EOGT: variants seen among roughly 807,000 people sequenced by gnomAD.
The protein encoded by EOGT is EGF domain specific O-linked N-acetylglucosamine transferase.
Under a neutral mutation model 70.5 loss-of-function variants are expected in EOGT, and 55 were observed. The observed-to-expected ratio is 0.78, with a 90% confidence interval of 0.63 to 0.98. The LOEUF (loss-of-function observed/expected upper bound fraction) is 0.98, where lower values mean the gene tolerates loss of function less well. EOGT is among the 50% of genes least tolerant of loss of function. The probability of loss-of-function intolerance (pLI) is 0.00; values close to 1 mark genes in which losing one functional copy is unlikely to be tolerated. For synonymous variants in EOGT, 246 were observed against 217.1 expected (o/e 1.13, Z -1.17); for missense variants, 703 against 641.9 (o/e 1.10, Z -1.03).
At chr3:69,001,785 G>C (rs182471934) in intron 8 of EOGT, 71 bp from the exon 9 acceptor site, 110 of 1,062,750 alleles carry the variant, frequency 1.0e-4, no homozygotes, top group Non-Finnish European at 4.3e-6. Flanking sequence ...CTGTAACTTA[G>C]GATCTGTTCA....
Position 68,982,830 on chromosome 3 carries a change from T to C in EOGT, c.1195A>G (p.Ile399Val). 1 of 1,607,188 alleles carries C rather than the reference T, an allele frequency of 6.2e-7. No homozygotes were observed. The highest frequency in any genetic ancestry group is 1.3e-5 in the African/African-American group (1 of 74,746). ...LKTVSTFEVQ[I>V]VDYKYRELGF... The stretch of plus-strand genomic sequence containing the variant: ...ACTTACCTATACTTGTAATCAACAA[T>C]CTGGACTTCAAATGTAGATACTGTT... The change falls in exon 15 of 18, where the codon ATT (isoleucine) becomes GTT (valine). Residue 399 changes from isoleucine to valine, a missense_variant. Ile to Val is a conservative substitution (Grantham distance 29). Transcript: ENST00000383701.
At chr3:69,013,259 C>T (rs1378847039) in intron 1 of EOGT, among the ~76,000 whole-genome samples, 1 of 151,662 alleles carries the variant, frequency 6.6e-6, no homozygotes, top group Admixed American at 6.6e-5. Flanking sequence ...CCCAGCGCGC[C>T]TGGGAGGGGC....
chr3:68,988,738 GATT>G, intron 11 of EOGT, 161 bp from the exon 12 acceptor site: 1 of 649,922 alleles, frequency 1.5e-6, no homozygotes, highest in Non-Finnish European at 2.5e-6. Flanking sequence ...TTTTTGGAAA[GATT>G]ATAGAAAAAA....
At position 68,975,700 on chromosome 3, in the gene EOGT, ATTC is replaced by A. The variant is rs754097448; in HGVS notation, c.*1915_*1917del. 2.0e-5 allele frequency: 3 copies of A among 152,218 alleles called. No individual in the cohort carries two copies. Among genetic ancestry groups the A allele is most frequent in the African/African-American group, 4.8e-5 (2 of 41,444 alleles). The allele number at this position is 152,218 out of a possible 1,614,324, so 9.4% of individuals were successfully genotyped here. A position where few individuals can be genotyped will look rare whatever the true frequency, so the allele number is the denominator to read the frequency against. On this transcript the variant is annotated 3_prime_UTR_variant, in exon 18 of 18. Coordinates refer to ENST00000383701, the MANE Select transcript of EOGT (RefSeq NM_001278689.2). ...ACTTAAAAATCCATAACATGTTGTA[ATTC>A]TTCTTATGTGATTTTAAGGTCTGAA...
At chr3:68,981,611 C>T (rs1379039039) in intron 15 of EOGT, among the ~76,000 whole-genome samples, 2 of 152,166 alleles carry the variant, frequency 1.3e-5, no homozygotes, top group African/African-American at 4.8e-5. Flanking sequence ...ATTCTAGCAA[C>T]AGGAATTACC....
rs752192401 is a variant in EOGT at position 68,982,883 on chromosome 3, AAG to A, written c.1153-13_1153-12del. On this transcript the variant is annotated splice_polypyrimidine_tract_variant and intron_variant, in intron 14 of 17. Transcript: ENST00000383701. ...CAGTGCATTTACAAGCTGGGAAAAA[AAG>A]AGAAACATTTAGCATTTCTTTTCCT... 1.3e-5 allele frequency: 20 copies of A among 1,596,346 alleles called. No individual in the cohort carries two copies. The highest frequency in any genetic ancestry group is 1.7e-5 in the Non-Finnish European group (20 of 1,171,246).
rs535498221 is a variant in EOGT at position 68,981,436 on chromosome 3, G to A, written c.1214+1375C>T. On this transcript the variant is annotated intron_variant, in intron 15 of 17. Transcript: ENST00000383701. ...ATTAGATACCCACATGCTGGGATATGTATACTTCTTTTAACTGGAAAGTGT... is the reference window on the plus strand; with the variant it reads ...ATTAGATACCCACATGCTGGGATATATATACTTCTTTTAACTGGAAAGTGT... 8.7e-4 allele frequency among the ~76,000 whole-genome samples: 132 copies of A among 152,202 alleles called. 1 individual carries two copies. The highest frequency in any genetic ancestry group is 9.6e-4 in the Non-Finnish European group (65 of 68,034).
In EOGT at chr3:68,977,755, G is replaced by A; in HGVS notation, c.1447C>T (p.Pro483Ser). ...KVFPQDKGHH[P>S]TLGEHPKFTN... ...AACTTCGGGTGCTCCCCCAGGGTTGGATGGTGGCCCTGTGAAAATAAACCA... is the reference window on the plus strand; with the variant it reads ...AACTTCGGGTGCTCCCCCAGGGTTGAATGGTGGCCCTGTGAAAATAAACCA... Residue 483 changes from proline (P) to serine (S), a missense_variant, in exon 18 of 18, where the codon CCA (proline) becomes TCA (serine). Transcript: ENST00000383701. The A allele has an allele frequency of 6.2e-7, 1 of 1,611,626 alleles. No homozygotes were observed. Among genetic ancestry groups the A allele is most frequent in the Non-Finnish European group, 8.5e-7 (1 of 1,179,034 alleles).
chr3:68,995,045 T>C (rs1049030969), intron 10 of EOGT, among the ~76,000 whole-genome samples: 11 of 151,858 alleles, frequency 7.2e-5, no homozygotes, highest in African/African-American at 2.2e-4. Flanking sequence ...AAAGGCCCCA[T>C]AGGCTTCCTT....
intron 10 of EOGT, among the ~76,000 whole-genome samples, chr3:68,992,186 T>A (rs956731005): frequency 6.6e-6 from 1 of 152,164 alleles, no homozygotes; most frequent in African/African-American, 2.4e-5. Context: ...CTTAACTCAT[T>A]TCAGCACTAA....
rs938916168 is a variant in EOGT, at chr3:69,013,565, G to A, written c.-356+9C>T. The stretch of plus-strand genomic sequence containing the variant: ...GGGGAAGGCTCCGCAGATTGCGGGG[G>A]AGTCCCACCTGGAGCCGGGGCAGCC... On this transcript the variant is annotated intron_variant, in intron 1 of 17. Transcript: ENST00000383701. The A allele has an allele frequency of 6.5e-6, 1 of 154,338 alleles. No homozygotes were observed. The highest frequency in any genetic ancestry group is 1.4e-5 in the Non-Finnish European group (1 of 69,896). 9.6% of individuals were successfully genotyped at this position (154,338 alleles called of 1,614,324 possible). A position where few individuals can be genotyped will look rare whatever the true frequency, so the allele number is the denominator to read the frequency against.
At position 69,013,595 on chromosome 3, in the gene EOGT, AC is replaced by A. The variant is rs1347228406; in HGVS notation, c.-378del. ...CCACCTGGAGCCGGGGCAGCCGTGA[AC>A]TACCGAGGAGGAGGCGGAGGAGACG... On this transcript the variant is annotated 5_prime_UTR_variant, in exon 1 of 18. An upstream open reading frame in the 5' UTR loses its in-frame stop. Coordinates refer to ENST00000383701, the MANE Select transcript of EOGT (RefSeq NM_001278689.2). 2.0e-5 allele frequency: 3 copies of A among 153,702 alleles called. No individual in the cohort carries two copies. The allele number at this position is 153,702 out of a possible 1,614,324, so 9.5% of individuals were successfully genotyped here.
At chr3:68,998,191 A>C in intron 9 of EOGT, 77 bp from the exon 10 acceptor site, 1 of 779,494 alleles carries the variant, frequency 1.3e-6, no homozygotes, top group Non-Finnish European at 2.1e-6. Context: ...TATCCCATCT[A>C]TTTACAGTTT....
At chr3:68,995,034 G>A (rs2091106357) in intron 10 of EOGT, among the ~76,000 whole-genome samples, 1 of 151,986 alleles carries the variant, frequency 6.6e-6, no homozygotes, top group African/African-American at 2.4e-5. Context: ...GGAGGAGAGG[G>A]AAAGGCCCCA....
rs1384799629 is a variant in EOGT, at chr3:68,982,819, G to A, written c.1206C>T (p.Tyr402=). Residue 402 remains tyrosine (Y), a synonymous_variant, in exon 15 of 18, where the codon TAC becomes TAT. Transcript: ENST00000383701. ...VSTFEVQIVD[Y]KYRELGFLDQ... Reference sequence around the variant, plus strand: ...GATTGGCTATTACTTACCTATACTTGTAATCAACAATCTGGACTTCAAATG... The same window carrying A: ...GATTGGCTATTACTTACCTATACTTATAATCAACAATCTGGACTTCAAATG... 1.2e-6 allele frequency: 2 copies of A among 1,606,252 alleles called. No homozygotes were observed. The highest frequency in any genetic ancestry group is 3.4e-5 in the Admixed American group (2 of 58,948).
In EOGT at chr3:69,009,787, A is replaced by G; in HGVS notation, c.60T>C (p.Asn20=). ...LLHEVSLSGQ[N]EAPPNTHSIP... ...TGCTGTGAGTATTAGGAGGAGCTTC[A>G]TTCTGACCACTCAGTGAGACTTCAT... Residue 20 remains asparagine (N), a synonymous_variant, in exon 4 of 18, where the codon AAT becomes AAC. Transcript: ENST00000383701. 2.5e-6 allele frequency: 4 copies of G among 1,614,138 alleles called. No homozygotes were observed. The highest frequency in any genetic ancestry group is 3.4e-6 in the Non-Finnish European group (4 of 1,180,020).
intron 4 of EOGT, among the ~76,000 whole-genome samples, chr3:69,008,954 C>T (rs1358325930): frequency 6.6e-6 from 1 of 152,240 alleles, no homozygotes; most frequent in Non-Finnish European, 1.5e-5. Flanking sequence ...TCAAGATCAG[C>T]AGAGACCCCA....
At chr3:69,011,240 T>C (rs1397408726) in intron 3 of EOGT, among the ~76,000 whole-genome samples, 1 of 133,036 alleles carries the variant, frequency 7.5e-6, no homozygotes, top group Non-Finnish European at 1.5e-5. Flanking sequence ...AGAGTCTTAA[T>C]ACACACTGGA....
chr3:68,989,748 C>CAAAAAA (rs56000169), intron 10 of EOGT, among the ~76,000 whole-genome samples: 3 of 93,212 alleles, frequency 3.2e-5, no homozygotes, highest in African/African-American at 8.5e-5. Context: ...AACTCCATCT[C>CAAAAAA]AAAAAAAAAA....
Sources: allele counts gnomAD v4.1 joint callset (sites outside exome capture counted in the v4.1 genomes callset), GRCh38; gene constraint gnomAD v4.1.1; transcripts MANE v1.5; gene names NCBI Gene and HGNC (gene_info 2026-07-23, HGNC 2026-07-21).